GAN: variants seen among roughly 807,000 people sequenced by gnomAD.
GAN encodes the protein gigaxonin, also known as epididymis secretory sperm binding protein.
Under a neutral mutation model 71.3 loss-of-function variants are expected in GAN, and 48 were observed. That is an observed-to-expected ratio of 0.67 (90% CI 0.53 to 0.86). GAN has a LOEUF of 0.86. Among genes scored for constraint, GAN ranks in the 40% least tolerant of loss-of-function variants. The pLI is 0.00. For missense variants in GAN, 928 were observed against 770.1 expected (o/e 1.21, Z -2.43); for synonymous variants, 386 against 276.8 (o/e 1.39, Z -3.92).
intron 1 of GAN, among the ~76,000 whole-genome samples, chr16:81,319,303 C>G (rs1035552898): frequency 4.6e-5 from 7 of 151,540 alleles, no homozygotes; most frequent in African/African-American, 1.7e-4. Flanking sequence ...CTCATCAACT[C>G]TGAGACCTTC....
intron 9 of GAN, among the ~76,000 whole-genome samples, chr16:81,369,005 T>A (rs1161545448): frequency 6.6e-6 from 1 of 152,268 alleles, no homozygotes. Flanking sequence ...TTAGTATCTT[T>A]CTTTCACATA....
chr16:81,352,195 T>A (rs542344523), intron 2 of GAN, among the ~76,000 whole-genome samples: 58 of 152,314 alleles, frequency 3.8e-4, no homozygotes, highest in South Asian at 1.5e-3. Context: ...AGCACCTTAT[T>A]CACGATGCCC....
At chr16:81,334,012 A>G (rs564702246) in intron 1 of GAN, among the ~76,000 whole-genome samples, 2 of 152,334 alleles carry the variant, frequency 1.3e-5, no homozygotes, top group East Asian at 3.9e-4. Context: ...CACACTTGCC[A>G]TGTTCTCTTT....
chr16:81,343,462 C>T (rs1412311232), intron 1 of GAN, among the ~76,000 whole-genome samples: 2 of 152,202 alleles, frequency 1.3e-5, no homozygotes, highest in East Asian at 3.9e-4. Flanking sequence ...GCTGGTTCAA[C>T]ATATGCAAAT....
rs1042378003 is a variant in GAN, at chr16:81,382,505, T to C, written c.*4909T>C. ...TGTTTTTTTATTTCAAAGAGCTTCA[T>C]GTATACTTCCCTCTCTTATTCCATG... On this transcript the variant is annotated 3_prime_UTR_variant, in exon 11 of 11. Coordinates refer to ENST00000648994, the MANE Select transcript of GAN (RefSeq NM_022041.4). The C allele has an allele frequency of 4.6e-5, 7 of 152,238 alleles. No individual in the cohort carries two copies. Among genetic ancestry groups the C allele is most frequent in the African/African-American group, 1.4e-4 (6 of 41,458 alleles). 9.4% of individuals were successfully genotyped at this position (152,238 alleles called of 1,614,324 possible). A position where few individuals can be genotyped will look rare whatever the true frequency, so the allele number is the denominator to read the frequency against.
rs7630 is a variant in GAN at position 81,390,512 on chromosome 16, G to A, written c.*12916G>A. On this transcript the variant is annotated 3_prime_UTR_variant, in exon 11 of 11. Transcript: ENST00000648994. ...TATTGTGGGGTTGGTCCCTTCTCACGAACCCAGGACCTGTGCTTGGGGAAC... is the reference window on the plus strand; with the variant it reads ...TATTGTGGGGTTGGTCCCTTCTCACAAACCCAGGACCTGTGCTTGGGGAAC... The A allele has an allele frequency of 0.24, 36,576 of 152,158 alleles. 4,689 individuals carry two copies. Among genetic ancestry groups the A allele is most frequent in the Non-Finnish European group, 0.3 (20,414 of 67,988 alleles). The allele number at this position is 152,158 out of a possible 1,614,324, so 9.4% of individuals were successfully genotyped here.
intron 5 of GAN, among the ~76,000 whole-genome samples, chr16:81,358,187 G>C (rs766529783): frequency 5.3e-5 from 8 of 152,194 alleles, no homozygotes; most frequent in Non-Finnish European, 7.3e-5. Context: ...TTAATGTCAG[G>C]AGAGCAAACT....
intron 1 of GAN, among the ~76,000 whole-genome samples, chr16:81,322,228 G>A (rs935215623): frequency 2.0e-5 from 3 of 152,188 alleles, no homozygotes; most frequent in Non-Finnish European, 4.4e-5. Context: ...GAAGGGATTT[G>A]GACTTTTCCT....
In GAN at chr16:81,349,046, CA is replaced by C. The variant is rs1323133838; in HGVS notation, c.168-2536del. Among the ~76,000 whole-genome samples the C allele has an allele frequency of 2.0e-5, 3 of 152,288 alleles. No individual in the cohort carries two copies. In the East Asian group the frequency reaches 5.8e-4, roughly 29 times the overall value. On this transcript the variant is annotated intron_variant, in intron 1 of 10. Coordinates refer to ENST00000648994, the MANE Select transcript of GAN (RefSeq NM_022041.4). The stretch of plus-strand genomic sequence containing the variant: ...GTTGTATACTCTTCAAAATATAAGT[CA>C]TTTGTCTTCCACTGGAGCTAGGGAG...
Position 81,354,748 on chromosome 16 carries a change from T to G in GAN, c.626T>G (p.Ile209Arg). Residue 209 changes from isoleucine (I) to arginine (R), a missense_variant, in exon 3 of 11, where the codon ATA becomes AGA. Ile to Arg is a moderately conservative substitution (Grantham distance 97). Transcript: ENST00000648994. ...VIRWIAHDTEIRKVHMKDVMS... is the reference protein window; with the variant it reads ...VIRWIAHDTERRKVHMKDVMS... Reference sequence around the variant, plus strand: ...CGATGGATAGCACATGATACAGAAATAAGAAAGGTACCTGTCATTTATAAC... The same window carrying G: ...CGATGGATAGCACATGATACAGAAAGAAGAAAGGTACCTGTCATTTATAAC... The G allele has an allele frequency of 6.4e-7, 1 of 1,558,724 alleles. No individual in the cohort carries two copies.
In GAN at chr16:81,389,430, G is replaced by T. The variant is rs1260217685; in HGVS notation, c.*11834G>T. 1 of 152,238 alleles carries T rather than the reference G, an allele frequency of 6.6e-6. No homozygotes were observed. Among genetic ancestry groups the T allele is most frequent in the Non-Finnish European group, 1.5e-5 (1 of 68,054 alleles). The allele number at this position is 152,238 out of a possible 1,614,324, so 9.4% of individuals were successfully genotyped here. A position where few individuals can be genotyped will look rare whatever the true frequency, so the allele number is the denominator to read the frequency against. On this transcript the variant is annotated 3_prime_UTR_variant, in exon 11 of 11. Transcript: ENST00000648994. ...AACAATCTTTGCAGCCACTGTTGGG[G>T]TGTGTACCAGCAGCCTGGAAGTGAC... is the stretch of plus-strand genomic sequence containing the variant.
chr16:81,381,079 G>A lies in GAN; in HGVS notation c.*3483G>A, dbSNP rs1567503017. 2 of 152,162 alleles carry A rather than the reference G, an allele frequency of 1.3e-5. No homozygotes were observed. The highest frequency in any genetic ancestry group is 6.5e-5 in the Admixed American group (1 of 15,276). The allele number at this position is 152,162 out of a possible 1,614,324, so 9.4% of individuals were successfully genotyped here. A position where few individuals can be genotyped will look rare whatever the true frequency, so the allele number is the denominator to read the frequency against. On this transcript the variant is annotated 3_prime_UTR_variant, in exon 11 of 11. Transcript: ENST00000648994. ...ATTTTTATAATTTATGAGTTGGGGG[G>A]ATTCCCTAGTCAATGCATAGGAAAT...
At chr16:81,338,561 G>T (rs1391261338) in intron 1 of GAN, among the ~76,000 whole-genome samples, 1 of 152,074 alleles carries the variant, frequency 6.6e-6, no homozygotes, top group Non-Finnish European at 1.5e-5. Flanking sequence ...AAAATGTTTT[G>T]GTAGGTATTA....
chr16:81,368,685 C>G (rs1261638179), intron 9 of GAN, among the ~76,000 whole-genome samples: 1 of 152,190 alleles, frequency 6.6e-6, no homozygotes, highest in Non-Finnish European at 1.5e-5. Context: ...TTTTTTAAAT[C>G]TTGGTAGCAT....
Position 81,354,550 on chromosome 16 carries a change from A to G in GAN, c.428A>G (p.His143Arg), listed in dbSNP as rs1330501647. The G allele has an allele frequency of 2.5e-6, 4 of 1,613,990 alleles. No homozygotes were observed. The highest frequency in any genetic ancestry group is 3.4e-6 in the Non-Finnish European group (4 of 1,180,006). The change falls in exon 3 of 11, where the codon CAT becomes CGT. Residue 143 changes from histidine (H) to arginine (R), a missense_variant. By Grantham distance (29) the His-to-Arg change is conservative. Coordinates refer to ENST00000648994, the MANE Select transcript of GAN (RefSeq NM_022041.4). The stretch of plus-strand genomic sequence containing the variant: ...ATTGGTATCCGTGACTTTGCACTAC[A>G]TTACTGCCTCCATCACGTTCATTAC... ...NCIGIRDFAL[H>R]YCLHHVHYLA...
At position 81,362,600 on chromosome 16, in the gene GAN, C is replaced by G; in HGVS notation, c.1075C>G (p.Pro359Ala). ...PDANTWTALP[P>A]MNEARHNFGI... The stretch of plus-strand genomic sequence containing the variant: ...TGCAAATACATGGACAGCATTGCCA[C>G]CTATGAACGAGGTAAAACACTAGTT... Residue 359 changes from proline (P) to alanine (A), a missense_variant, in exon 6 of 11, where the codon CCT becomes GCT. Transcript: ENST00000648994. The G allele has an allele frequency of 5.3e-6, 8 of 1,518,834 alleles. No individual in the cohort carries two copies. The highest frequency in any genetic ancestry group is 6.4e-6 in the Non-Finnish European group (7 of 1,092,940). The allele number at this position is 1,518,834 out of a possible 1,614,324, so 94.1% of individuals were successfully genotyped here. A position where few individuals can be genotyped will look rare whatever the true frequency, so the allele number is the denominator to read the frequency against.
intron 1 of GAN, among the ~76,000 whole-genome samples, chr16:81,318,442 C>T (rs1181882139): frequency 6.6e-6 from 1 of 152,088 alleles, no homozygotes; most frequent in African/African-American, 2.4e-5. Flanking sequence ...GCGGGAGGAT[C>T]GTTTGAGGTC....
At position 81,353,605 on chromosome 16, in the gene GAN, A is replaced by C. The variant is rs1266672848; in HGVS notation, c.283-800A>C. Among the ~76,000 whole-genome samples, 3 of 152,166 alleles carry C rather than the reference A, an allele frequency of 2.0e-5. No individual in the cohort carries two copies. The East Asian group carries it at 5.8e-4, about 29-fold the overall frequency. On this transcript the variant is annotated intron_variant, in intron 2 of 10. Coordinates refer to ENST00000648994, the MANE Select transcript of GAN (RefSeq NM_022041.4). The stretch of plus-strand genomic sequence containing the variant: ...AATGTTTCTTGCTATACTCCTCATG[A>C]AGTCTCCCTTGCATTTGCGAATGTG...
intron 1 of GAN, among the ~76,000 whole-genome samples, chr16:81,342,982 A>G: frequency 6.6e-6 from 1 of 152,248 alleles, no homozygotes; most frequent in East Asian, 1.9e-4. Context: ...AACTACCTTC[A>G]GAGAATACTA....
Sources: allele counts gnomAD v4.1 joint callset (sites outside exome capture counted in the v4.1 genomes callset), GRCh38; gene constraint gnomAD v4.1.1; transcripts MANE v1.5; gene names NCBI Gene and HGNC (gene_info 2026-07-23, HGNC 2026-07-21).